TSHZ2: variants seen among roughly 807,000 people sequenced by gnomAD.
The protein encoded by TSHZ2 is teashirt zinc finger homeobox 2, also known as teashirt homolog 2.
In TSHZ2, 21 loss-of-function variants were observed where a neutral mutation model predicts 74.4. The ratio of observed to expected loss-of-function variants is 0.28; its 90% CI spans 0.20 to 0.41. The LOEUF is 0.41. Among genes scored for constraint, TSHZ2 ranks in the 10% least tolerant of loss-of-function variants. The pLI, the probability that TSHZ2 is intolerant of heterozygous loss-of-function variation, is 1.00. For synonymous variants in TSHZ2, 540 were observed against 515.3 expected, an observed-to-expected ratio of 1.05 and a Z score of -0.65; for missense variants, 1,244 against 1,293.5, an observed-to-expected ratio of 0.96 and a Z score of 0.59.
intron 1 of TSHZ2, among the ~76,000 whole-genome samples, chr20:53,013,265 C>A (rs994160690): frequency 4.6e-5 from 7 of 152,126 alleles, no homozygotes; most frequent in African/African-American, 1.7e-4. Context: ...AAAGGCTTCC[C>A]AACAGGCTCT....
intron 1 of TSHZ2, among the ~76,000 whole-genome samples, chr20:53,100,388 C>T (rs765511063): frequency 7.2e-5 from 11 of 152,202 alleles, no homozygotes; most frequent in South Asian, 2.1e-4. Flanking sequence ...CTTTCTTTCC[C>T]CCATTAATAT....
At chr20:53,266,605 A>G (rs1471951818) in intron 2 of TSHZ2, among the ~76,000 whole-genome samples, 1 of 152,180 alleles carries the variant, frequency 6.6e-6, no homozygotes, top group African/African-American at 2.4e-5. Flanking sequence ...TAAGAATAAT[A>G]TGGCTATAAT....
intron 1 of TSHZ2, among the ~76,000 whole-genome samples, chr20:53,101,779 T>C (rs890742893): frequency 6.6e-6 from 1 of 152,226 alleles, no homozygotes; most frequent in African/African-American, 2.4e-5. Flanking sequence ...GTTCAAATAG[T>C]TTTCCTGTAG....
chr20:53,375,035 T>C (rs1181964393), intron 2 of TSHZ2, among the ~76,000 whole-genome samples: 1 of 152,154 alleles, frequency 6.6e-6, no homozygotes, highest in Non-Finnish European at 1.5e-5. Context: ...ATTTATTTCA[T>C]TGAGAATTAC....
chr20:53,473,933 G>A (rs1411358305), intron 2 of TSHZ2, among the ~76,000 whole-genome samples: 2 of 152,122 alleles, frequency 1.3e-5, no homozygotes, highest in African/African-American at 4.8e-5. Flanking sequence ...TGAATGAAAT[G>A]AAGCGAGAAG....
intron 2 of TSHZ2, among the ~76,000 whole-genome samples, chr20:53,465,665 G>C (rs1332830229): frequency 1.3e-5 from 2 of 152,068 alleles, no homozygotes; most frequent in African/African-American, 4.8e-5. Flanking sequence ...TGTGCTGTTG[G>C]TCCTGGTACT....
chr20:53,406,569 C>T (rs962404133), intron 2 of TSHZ2, among the ~76,000 whole-genome samples: 1 of 152,116 alleles, frequency 6.6e-6, no homozygotes, highest in East Asian at 1.9e-4. Flanking sequence ...GGCCACTAAA[C>T]AGGCATGTGG....
chr20:53,446,612 C>T (rs1334531682), intron 2 of TSHZ2, among the ~76,000 whole-genome samples: 1 of 149,040 alleles, frequency 6.7e-6, no homozygotes, highest in Non-Finnish European at 1.5e-5. Flanking sequence ...GAAGGAAAAA[C>T]AAGGTCAGCT....
chr20:53,128,247 A>G (rs11697971), intron 1 of TSHZ2, among the ~76,000 whole-genome samples: 30,105 of 152,136 alleles, frequency 0.2, 3,474 homozygotes, highest in Non-Finnish European at 0.26. Flanking sequence ...TATGGGACAC[A>G]TTTTCTCATA....
intron 2 of TSHZ2, among the ~76,000 whole-genome samples, chr20:53,392,298 C>T (rs867287118): frequency 4.5e-4 from 69 of 152,126 alleles, no homozygotes; most frequent in Middle Eastern, 6.8e-3. Flanking sequence ...CAAAAAATTA[C>T]CTGGGTGTGG....
intron 1 of TSHZ2, among the ~76,000 whole-genome samples, chr20:53,115,623 G>A (rs895034332): frequency 2.6e-5 from 4 of 152,122 alleles, no homozygotes; most frequent in African/African-American, 9.7e-5. Context: ...ACAAAAATAA[G>A]TAAATAAATG....
At chr20:53,370,759 A>G (rs190560601) in intron 2 of TSHZ2, among the ~76,000 whole-genome samples, 33 of 152,274 alleles carry the variant, frequency 2.2e-4, no homozygotes, top group Admixed American at 1.4e-3. Flanking sequence ...GCAAGACCTT[A>G]TCTCAAAAAA....
chr20:53,091,971 A>G (rs1399040267), intron 1 of TSHZ2, among the ~76,000 whole-genome samples: 4 of 152,202 alleles, frequency 2.6e-5, no homozygotes, highest in Admixed American at 1.3e-4. Flanking sequence ...GCTGGAGCCC[A>G]GGAGTTCAAG....
At chr20:53,381,352 C>G (rs1412507371) in intron 2 of TSHZ2, among the ~76,000 whole-genome samples, 1 of 152,134 alleles carries the variant, frequency 6.6e-6, no homozygotes, top group African/African-American at 2.4e-5. Context: ...AAATGTCTAC[C>G]ACTGCCTCTA....
At chr20:53,030,078 A>G (rs1983582615) in intron 1 of TSHZ2, among the ~76,000 whole-genome samples, 3 of 152,200 alleles carry the variant, frequency 2.0e-5, no homozygotes, top group South Asian at 4.1e-4. Flanking sequence ...CAACCCCTCA[A>G]TAGGGCAGAA....
intron 1 of TSHZ2, among the ~76,000 whole-genome samples, chr20:53,203,729 C>T (rs954302307): frequency 5.9e-5 from 9 of 152,136 alleles, no homozygotes; most frequent in Middle Eastern, 3.4e-3. Context: ...AATTTTTATG[C>T]GAAATCTCCT....
chr20:53,050,226 T>C (rs190386833), intron 1 of TSHZ2, among the ~76,000 whole-genome samples: 2 of 149,068 alleles, frequency 1.3e-5, no homozygotes, highest in East Asian at 3.9e-4. Context: ...AATGTTTATA[T>C]ATAGTGGCTA....
chr20:53,428,532 C>T (rs907771306), intron 2 of TSHZ2, among the ~76,000 whole-genome samples: 2 of 152,194 alleles, frequency 1.3e-5, no homozygotes, highest in African/African-American at 4.8e-5. Context: ...GACTCTGAAT[C>T]AATTGTCATG....
intron 2 of TSHZ2, among the ~76,000 whole-genome samples, chr20:53,340,238 A>G (rs1980139363): frequency 8.3e-6 from 1 of 120,804 alleles, no homozygotes; most frequent in Admixed American, 1.0e-4. Flanking sequence ...GCTGGAGTGC[A>G]GTGGCACAAT....
Sources: gnomAD v4.1 joint callset for allele counts (sites outside exome capture counted in the v4.1 genomes callset) on GRCh38, gnomAD v4.1.1 for gene constraint, MANE v1.5 for transcripts, NCBI Gene and HGNC (gene_info 2026-07-23, HGNC 2026-07-21) for gene names.